The following THADA variants were observed in gnomAD, a reference collection of about 807,000 sequenced individuals.
The protein encoded by THADA is THADA armadillo repeat containing.
A neutral mutation model predicts 219.8 loss-of-function variants in THADA; 213 were observed. The observed-to-expected ratio is 0.97, with a 90% CI of 0.87 to 1.09. The LOEUF is 1.09. Ranked by LOEUF, THADA falls within the 50% of genes least tolerant of loss-of-function variation. THADA has a pLI of 0.00. For missense variants in THADA, 2,956 were observed against 2,311.3 expected, an observed-to-expected ratio of 1.28 and a Z score of -5.72; for synonymous variants, 1,018 against 828.9, an observed-to-expected ratio of 1.23 and a Z score of -3.92.
At chr2:43,590,701 C>A in intron 4 of THADA, 123 bp downstream of exon 4, 2 of 930,740 alleles carry the variant, frequency 2.1e-6, no homozygotes, top group Non-Finnish European at 3.2e-6. Context: ...GAGAACAAAC[C>A]ATATGAATGA....
chr2:43,297,090 T>C (rs1442014582), intron 31 of THADA, among the ~76,000 whole-genome samples: 1 of 94,178 alleles, frequency 1.1e-5, no homozygotes, highest in Non-Finnish European at 2.1e-5. Flanking sequence ...ATCTAGGAAG[T>C]GAGGAGCGCC....
chr2:43,434,655 C>T (rs759184249), intron 26 of THADA, among the ~76,000 whole-genome samples: 2 of 152,164 alleles, frequency 1.3e-5, no homozygotes, highest in South Asian at 2.1e-4. Context: ...AGAGACAGGC[C>T]GCCGAGTGGC....
At position 43,354,879 on chromosome 2, in the gene THADA, T is replaced by C. The variant is rs535266634; in HGVS notation, c.4228-10642A>G. 1.0e-3 allele frequency among the ~76,000 whole-genome samples: 158 copies of C among 152,298 alleles called. 1 individual carries two copies. Among genetic ancestry groups the C allele is most frequent in the African/African-American group, 3.7e-3 (154 of 41,560 alleles). ...GGTTATCCTCATGCTGTTCTCATGA[T>C]AGAGAGTGAGTTCTCACGAGACCTG... On this transcript the variant is annotated intron_variant, in intron 29 of 37. Transcript: ENST00000405975.
chr2:43,436,003 C>T (rs1680055879), intron 26 of THADA, among the ~76,000 whole-genome samples: 1 of 151,974 alleles, frequency 6.6e-6, no homozygotes, highest in African/African-American at 2.4e-5. Context: ...TCTATTTAGC[C>T]ACCTGGATTC....
At chr2:43,280,402 G>C (rs1673202581) in intron 35 of THADA, among the ~76,000 whole-genome samples, 1 of 152,110 alleles carries the variant, frequency 6.6e-6, no homozygotes, top group South Asian at 2.1e-4. Flanking sequence ...GGGAGGACGA[G>C]GAGAGTGGAT....
At chr2:43,586,257 C>T (rs986585641) in intron 7 of THADA, 144 bp downstream of exon 7, 4 of 683,132 alleles carry the variant, frequency 5.9e-6, no homozygotes, top group Non-Finnish European at 9.3e-6. Flanking sequence ...ACAGCAAGAC[C>T]CCATCTCAAA....
chr2:43,302,616 G>A (rs1448347923), intron 31 of THADA, among the ~76,000 whole-genome samples: 4 of 152,092 alleles, frequency 2.6e-5, no homozygotes, highest in Non-Finnish European at 5.9e-5. Context: ...GCAGACTGGT[G>A]TAAGTTGCCA....
intron 25 of THADA, among the ~76,000 whole-genome samples, chr2:43,489,002 G>T (rs1454544463): frequency 6.6e-6 from 1 of 151,944 alleles, no homozygotes. Flanking sequence ...TTTAAAATTG[G>T]GTTGTCGTTT....
intron 1 of THADA, chr2:43,592,814 T>G (rs1701714830): frequency 6.5e-6 from 1 of 154,430 alleles, no homozygotes; most frequent in Non-Finnish European, 1.4e-5. Flanking sequence ...CTGGGATAGT[T>G]TTTCCAAAGA....
intron 31 of THADA, among the ~76,000 whole-genome samples, chr2:43,310,219 C>CCT (rs1553382735): frequency 5.7e-5 from 5 of 87,028 alleles, no homozygotes; most frequent in African/African-American, 1.6e-4. Context: ...CCCTCCCTCC[C>CCT]TTTCCCGCCC....
rs758123298 is a variant in THADA at position 43,430,242 on chromosome 2, C to G, written c.3897G>C (p.Gln1299His). 3 of 1,550,784 alleles carry G rather than the reference C, an allele frequency of 1.9e-6. No homozygotes were observed. The highest frequency in any genetic ancestry group is 1.4e-5 in the African/African-American group (1 of 73,228). Residue 1299 changes from glutamine (Q) to histidine (H), a missense_variant, in exon 27 of 38, where the codon CAG (glutamine) becomes CAC (histidine). Coordinates refer to ENST00000405975, the MANE Select transcript of THADA (RefSeq NM_022065.5). Reference protein sequence around the residue: ...FPELYPFLLKQLETVANTVDS... With the variant: ...FPELYPFLLKHLETVANTVDS... The stretch of plus-strand genomic sequence containing the variant: ...CTACTGTATTGGCTACAGTTTCCAA[C>G]TGTTTGAGAAGAAAAGGATAGAGTT...
At position 43,591,812 on chromosome 2, in the gene THADA, C is replaced by T. The variant is rs1273552312; in HGVS notation, c.171+140G>A. ...GAATACAAGGATATTATACAATAAACAGAAAAAAAAAAATACTTATTTGCT... is the reference window on the plus strand; with the variant it reads ...GAATACAAGGATATTATACAATAAATAGAAAAAAAAAAATACTTATTTGCT... On this transcript the variant is annotated intron_variant, in intron 3 of 37. Coordinates refer to ENST00000405975, the MANE Select transcript of THADA (RefSeq NM_022065.5). 6.2e-6 allele frequency: 3 copies of T among 484,692 alleles called. 1 individual carries two copies. Among genetic ancestry groups the T allele is most frequent in the South Asian group, 1.0e-4 (2 of 19,998 alleles). The allele number at this position is 484,692 out of a possible 1,614,324, so 30.0% of individuals were successfully genotyped here.
chr2:43,403,976 C>G (rs1217310553), intron 28 of THADA, among the ~76,000 whole-genome samples: 1 of 152,098 alleles, frequency 6.6e-6, no homozygotes, highest in Non-Finnish European at 1.5e-5. Context: ...TTTAATAGGC[C>G]ATCTCTAAAG....
At chr2:43,473,066 A>G (rs1685102667) in intron 26 of THADA, among the ~76,000 whole-genome samples, 1 of 152,180 alleles carries the variant, frequency 6.6e-6, no homozygotes, top group Non-Finnish European at 1.5e-5. Context: ...TAAACACTGT[A>G]TCCTAAGGCT....
chr2:43,586,132 G>C (rs1700999785), intron 7 of THADA, among the ~76,000 whole-genome samples: 1 of 152,058 alleles, frequency 6.6e-6, no homozygotes, highest in African/African-American at 2.4e-5. Flanking sequence ...GGGTGTGGTG[G>C]TGCATGCCTG....
At chr2:43,566,918 TCA>T in intron 14 of THADA, 97 bp from the exon 15 acceptor site, 1 of 858,440 alleles carries the variant, frequency 1.2e-6, no homozygotes, top group Non-Finnish European at 1.6e-6. Flanking sequence ...GTTTTTGTTT[TCA>T]ATTTAAAAAT....
chr2:43,575,641 A>T (rs1468511039), intron 10 of THADA, among the ~76,000 whole-genome samples: 1 of 152,030 alleles, frequency 6.6e-6, no homozygotes, highest in African/African-American at 2.4e-5. Flanking sequence ...GGTTCAAGCG[A>T]TTCTCCTGCC....
At chr2:43,532,964 G>A (rs1694081158) in intron 21 of THADA, among the ~76,000 whole-genome samples, 1 of 152,052 alleles carries the variant, frequency 6.6e-6, no homozygotes. Flanking sequence ...CCTACACAAT[G>A]GGAGAAAATT....
chr2:43,525,244 A>G (rs2103711639), intron 22 of THADA, among the ~76,000 whole-genome samples: 1 of 152,276 alleles, frequency 6.6e-6, no homozygotes, highest in South Asian at 2.1e-4. Flanking sequence ...AGTAACCTCT[A>G]CTATTCACAT....
Sources: allele counts gnomAD v4.1 joint callset (sites outside exome capture counted in the v4.1 genomes callset), GRCh38; gene constraint gnomAD v4.1.1; transcripts MANE v1.5; gene names NCBI Gene and HGNC (gene_info 2026-07-23, HGNC 2026-07-21).